Variants in BACH2 observed in about 807,000 individuals in gnomAD.
The protein encoded by BACH2 is BACH transcriptional regulator 2.
BACH2 carries 5 observed loss-of-function variants against 61.8 expected under a neutral mutation model. That is an observed-to-expected ratio of 0.08 (90% CI 0.04 to 0.17). BACH2 has a LOEUF of 0.17. BACH2 is among the 10% of genes least tolerant of loss of function. The pLI, the probability that BACH2 is intolerant of heterozygous loss-of-function variation, is 1.00. For missense variants in BACH2, 824 were observed against 1,091.1 expected (o/e 0.76, Z 3.45); for synonymous variants, 446 against 440.1 (o/e 1.01, Z -0.17).
At chr6:89,975,024 A>G (rs959760784) in intron 6 of BACH2, among the ~76,000 whole-genome samples, 1 of 152,196 alleles carries the variant, frequency 6.6e-6, no homozygotes, top group African/African-American at 2.4e-5. Flanking sequence ...AAAATAGAGT[A>G]CACTCACAGC....
At chr6:90,050,315 A>C (rs1312322794) in intron 5 of BACH2, among the ~76,000 whole-genome samples, 1 of 152,226 alleles carries the variant, frequency 6.6e-6, no homozygotes, top group Middle Eastern at 3.2e-3. Context: ...AAGTTCATTG[A>C]TATGGCTTTA....
chr6:90,295,763 T>C (rs554643792), intron 1 of BACH2, among the ~76,000 whole-genome samples: 1 of 151,964 alleles, frequency 6.6e-6, no homozygotes, highest in Non-Finnish European at 1.5e-5. Context: ...CCTTAGGTCT[T>C]AGCTACGCGG....
chr6:90,166,163 A>T (rs1034656878), intron 4 of BACH2, among the ~76,000 whole-genome samples: 1 of 152,260 alleles, frequency 6.6e-6, no homozygotes, highest in Non-Finnish European at 1.5e-5. Flanking sequence ...TACTCGTCTG[A>T]CAAAGGGCTA....
chr6:90,165,074 CAGG>C (rs1347275868), intron 4 of BACH2, among the ~76,000 whole-genome samples: 3 of 152,058 alleles, frequency 2.0e-5, no homozygotes, highest in African/African-American at 7.2e-5. Context: ...GGCAATTAGG[CAGG>C]AGAAGGAAAT....
intron 3 of BACH2, among the ~76,000 whole-genome samples, chr6:90,210,303 C>T (rs1769296318): frequency 7.4e-6 from 1 of 135,396 alleles, no homozygotes; most frequent in Admixed American, 7.9e-5. Flanking sequence ...ACAACACACA[C>T]CCCAAAACAA....
chr6:90,039,720 T>G (rs1277595947), intron 5 of BACH2, among the ~76,000 whole-genome samples: 5 of 152,194 alleles, frequency 3.3e-5, no homozygotes, highest in Non-Finnish European at 4.4e-5. Flanking sequence ...GCTAATAGAT[T>G]ATATTACCAA....
intron 4 of BACH2, among the ~76,000 whole-genome samples, chr6:90,136,810 G>A (rs1175486318): frequency 2.0e-5 from 3 of 150,872 alleles, no homozygotes; most frequent in African/African-American, 4.9e-5. Flanking sequence ...CTACAATAAT[G>A]AGCACTAAAC....
chr6:90,276,624 TGA>T (rs1197515542), intron 1 of BACH2, among the ~76,000 whole-genome samples: 3 of 152,040 alleles, frequency 2.0e-5, no homozygotes, highest in Admixed American at 6.6e-5. Context: ...AGCAAAAGAG[TGA>T]GAGAGAGAGG....
chr6:90,279,809 G>A (rs1011039577), intron 1 of BACH2, among the ~76,000 whole-genome samples: 9 of 152,096 alleles, frequency 5.9e-5, no homozygotes, highest in Admixed American at 6.5e-5. Context: ...GGAATTTTAT[G>A]ACTAGCCCTT....
At chr6:90,159,084 A>C (rs981334442) in intron 4 of BACH2, among the ~76,000 whole-genome samples, 2 of 152,196 alleles carry the variant, frequency 1.3e-5, no homozygotes, top group Non-Finnish European at 2.9e-5. Flanking sequence ...TATCTTCTAA[A>C]GCAGACATTT....
intron 4 of BACH2, among the ~76,000 whole-genome samples, chr6:90,165,311 T>C (rs1396954224): frequency 6.6e-6 from 1 of 152,148 alleles, no homozygotes; most frequent in African/African-American, 2.4e-5. Context: ...CCATTTACAA[T>C]TGCTTCAAAG....
chr6:90,194,963 T>G (rs931490669), intron 4 of BACH2, among the ~76,000 whole-genome samples: 1 of 152,216 alleles, frequency 6.6e-6, no homozygotes, highest in South Asian at 2.1e-4. Flanking sequence ...AAATGCCCTT[T>G]TTCTTGATGA....
intron 2 of BACH2, among the ~76,000 whole-genome samples, chr6:90,263,433 A>T (rs1771228307): frequency 6.6e-6 from 1 of 152,248 alleles, no homozygotes; most frequent in Admixed American, 6.5e-5. Context: ...CAAAATATTA[A>T]ATCCTACCGA....
At position 90,081,307 on chromosome 6, in the gene BACH2, A is replaced by G. The variant is rs902919783; in HGVS notation, c.-13+7654T>C. Among the ~76,000 whole-genome samples the G allele has an allele frequency of 8.5e-5, 13 of 152,302 alleles. No homozygotes were observed. In the Middle Eastern group the frequency reaches 0.01, roughly 120 times the overall value. On this transcript the variant is annotated intron_variant, in intron 5 of 8. Transcript: ENST00000257749. ...AGTGAGCACTGTGACTCAGTGAAGG[A>G]AGGCGGCCAAATCGAAACTAAAGAT...
intron 6 of BACH2, among the ~76,000 whole-genome samples, chr6:90,005,105 T>C (rs1237104941): frequency 6.6e-6 from 1 of 152,128 alleles, no homozygotes; most frequent in African/African-American, 2.4e-5. Context: ...GTGCTGGTAA[T>C]GGCGTGGCTC....
At chr6:89,970,284 C>T (rs1029326147) in intron 6 of BACH2, among the ~76,000 whole-genome samples, 1 of 152,156 alleles carries the variant, frequency 6.6e-6, no homozygotes, top group Non-Finnish European at 1.5e-5. Context: ...AGTTCTGTGC[C>T]CCGAAGTGAA....
chr6:90,263,028 G>T, intron 2 of BACH2, among the ~76,000 whole-genome samples: 1 of 152,126 alleles, frequency 6.6e-6, no homozygotes, highest in South Asian at 2.1e-4. Flanking sequence ...TTGTAAATTT[G>T]ATATGTAAAA....
At chr6:90,171,094 A>C (rs1249298476) in intron 4 of BACH2, among the ~76,000 whole-genome samples, 3 of 152,052 alleles carry the variant, frequency 2.0e-5, no homozygotes, top group Non-Finnish European at 4.4e-5. Context: ...AGAGGAGAAA[A>C]AAGAAGAAAA....
intron 6 of BACH2, among the ~76,000 whole-genome samples, chr6:89,999,462 T>C (rs1280069535): frequency 6.6e-6 from 1 of 152,130 alleles, no homozygotes; most frequent in African/African-American, 2.4e-5. Context: ...TTTTTTTTTT[T>C]TCCAAGGGTG....
Sources: gnomAD v4.1 joint callset for allele counts (sites outside exome capture counted in the v4.1 genomes callset) on GRCh38, gnomAD v4.1.1 for gene constraint, MANE v1.5 for transcripts, NCBI Gene and HGNC (gene_info 2026-07-23, HGNC 2026-07-21) for gene names.